CNOT4: variants seen among roughly 807,000 people sequenced by gnomAD.
CNOT4 encodes CCR4-associated factor 4.
CNOT4 carries 8 observed loss-of-function variants against 73.8 expected under a neutral mutation model. The ratio of observed to expected loss-of-function variants is 0.11; its 90% CI spans 0.06 to 0.20. The LOEUF (loss-of-function observed/expected upper bound fraction) is 0.20. CNOT4 is among the 10% of genes least tolerant of loss of function. CNOT4 has a pLI of 1.00. For synonymous variants in CNOT4, 293 were observed against 321.1 expected, an observed-to-expected ratio of 0.91 and a Z score of 0.94; for missense variants, 564 against 883.4, an observed-to-expected ratio of 0.64 and a Z score of 4.58.
chr7:135,391,197 A>T (rs1161551303), intron 10 of CNOT4, among the ~76,000 whole-genome samples: 1 of 152,130 alleles, frequency 6.6e-6, no homozygotes, highest in Non-Finnish European at 1.5e-5. Flanking sequence ...TGAAAATCCT[A>T]AATCTTCTGG....
At chr7:135,455,530 A>AATACAT (rs1371903785) in intron 1 of CNOT4, among the ~76,000 whole-genome samples, 6 of 152,102 alleles carry the variant, frequency 3.9e-5, no homozygotes, top group African/African-American at 1.4e-4. Context: ...TATTTAAATA[A>AATACAT]ATACATACTT....
chr7:135,508,846 G>T (rs1406084052), intron 1 of CNOT4, among the ~76,000 whole-genome samples: 1 of 152,062 alleles, frequency 6.6e-6, no homozygotes, highest in Non-Finnish European at 1.5e-5. Context: ...AATATTTATT[G>T]GTATAAATCA....
intron 10 of CNOT4, among the ~76,000 whole-genome samples, chr7:135,371,967 ATGAACAAAGCCC>A (rs1398368882): frequency 1.3e-5 from 2 of 152,214 alleles, no homozygotes; most frequent in Non-Finnish European, 2.9e-5. Flanking sequence ...AGCAGTGACC[ATGAACAAAGCCC>A]TGTGAGGAGA....
intron 1 of CNOT4, among the ~76,000 whole-genome samples, chr7:135,463,561 AC>A (rs1265629698): frequency 0.029 from 16 of 552 alleles, no homozygotes; most frequent in East Asian, 0.29. Flanking sequence ...AAAAAAAAAA[AC>A]CAACCAACCA....
chr7:135,399,311 T>C (rs1299977327), intron 7 of CNOT4, among the ~76,000 whole-genome samples: 1 of 152,096 alleles, frequency 6.6e-6, no homozygotes, highest in Admixed American at 6.5e-5. Context: ...GGCTATATAG[T>C]GCCTAGTGCT....
chr7:135,508,282 C>T (rs751369772), intron 1 of CNOT4, among the ~76,000 whole-genome samples: 8 of 152,202 alleles, frequency 5.3e-5, no homozygotes, highest in Non-Finnish European at 7.4e-5. Flanking sequence ...GCCAGGGCTG[C>T]TTCTTCCCAT....
At chr7:135,388,458 C>A in intron 10 of CNOT4, 1 of 988,596 alleles carries the variant, frequency 1.0e-6, no homozygotes, top group Non-Finnish European at 1.2e-6. Context: ...ACTACCATTA[C>A]CTTTGTATAA....
chr7:135,399,004 A>T (rs1796858758), intron 7 of CNOT4, among the ~76,000 whole-genome samples: 1 of 152,132 alleles, frequency 6.6e-6, no homozygotes, highest in Non-Finnish European at 1.5e-5. Context: ...AAACATTAAC[A>T]TTTTATTTTC....
chr7:135,506,632 G>A (rs1282554367), intron 1 of CNOT4, among the ~76,000 whole-genome samples: 4 of 152,102 alleles, frequency 2.6e-5, no homozygotes, highest in East Asian at 3.9e-4. Context: ...GGCGGATCAC[G>A]AGGTCAGGAG....
chr7:135,440,300 T>A, intron 1 of CNOT4, among the ~76,000 whole-genome samples: 1 of 145,224 alleles, frequency 6.9e-6, no homozygotes, highest in Non-Finnish European at 1.5e-5. Flanking sequence ...CATGAAAAAA[T>A]GATCAATCTT....
intron 1 of CNOT4, among the ~76,000 whole-genome samples, chr7:135,493,055 T>C (rs1000651498): frequency 6.6e-6 from 1 of 151,864 alleles, no homozygotes; most frequent in African/African-American, 2.4e-5. Context: ...AATAGACAAG[T>C]TTTAAGGAGA....
At chr7:135,493,177 T>G (rs2129487765) in intron 1 of CNOT4, among the ~76,000 whole-genome samples, 1 of 151,980 alleles carries the variant, frequency 6.6e-6, no homozygotes, top group South Asian at 2.1e-4. Flanking sequence ...AGGAAAATGG[T>G]TGGTTGGTTG....
chr7:135,484,187 C>T lies in CNOT4; in HGVS notation c.-93+25702G>A, dbSNP rs1451988424. Among the ~76,000 whole-genome samples, 3 of 151,714 alleles carry T rather than the reference C, an allele frequency of 2.0e-5. No individual in the cohort carries two copies. In the East Asian group the frequency reaches 5.9e-4, roughly 30 times the overall value. On this transcript the variant is annotated intron_variant, in intron 1 of 11. Transcript: ENST00000541284. ...TCTAGCCTGGGTGACAGAGTGGGACCTCATCTCAAAATAAATAAATTAATT... is the reference window on the plus strand; with the variant it reads ...TCTAGCCTGGGTGACAGAGTGGGACTTCATCTCAAAATAAATAAATTAATT...
chr7:135,482,986 CAAAAAAAAAAA>C (rs36125617), intron 1 of CNOT4, among the ~76,000 whole-genome samples: 3 of 43,502 alleles, frequency 6.9e-5, no homozygotes, highest in African/African-American at 2.9e-4. Context: ...GACTCCATAT[CAAAAAAAAAAA>C]AAAAAAAAAA....
At chr7:135,499,755 C>T (rs1016822302) in intron 1 of CNOT4, among the ~76,000 whole-genome samples, 1 of 152,112 alleles carries the variant, frequency 6.6e-6, no homozygotes, top group Non-Finnish European at 1.5e-5. Flanking sequence ...TTTCTTCCCT[C>T]CCACATACAC....
chr7:135,490,337 T>C (rs549299061), intron 1 of CNOT4, among the ~76,000 whole-genome samples: 54 of 152,270 alleles, frequency 3.5e-4, no homozygotes, highest in African/African-American at 1.2e-3. Flanking sequence ...AAATATAATA[T>C]TTCCATCTGG....
At chr7:135,504,462 A>ATTTTTTTTTTTTT (rs34100799) in intron 1 of CNOT4, among the ~76,000 whole-genome samples, 1 of 55,942 alleles carries the variant, frequency 1.8e-5, no homozygotes, top group African/African-American at 9.4e-5. Context: ...CATCCGGCTA[A>ATTTTTTTTTTTTT]TTTTTTTTTT....
intron 1 of CNOT4, among the ~76,000 whole-genome samples, chr7:135,487,735 T>C (rs1802824607): frequency 6.6e-6 from 1 of 152,138 alleles, no homozygotes; most frequent in South Asian, 2.1e-4. Context: ...GATATTAGAT[T>C]GTGGAATACT....
At chr7:135,475,548 A>G (rs913014764) in intron 1 of CNOT4, among the ~76,000 whole-genome samples, 7 of 152,242 alleles carry the variant, frequency 4.6e-5, no homozygotes, top group African/African-American at 1.7e-4. Flanking sequence ...AACAAAAATC[A>G]GTTCAATAAA....
Sources: gnomAD v4.1 joint callset for allele counts (sites outside exome capture counted in the v4.1 genomes callset) on GRCh38, gnomAD v4.1.1 for gene constraint, MANE v1.5 for transcripts, NCBI Gene and HGNC (gene_info 2026-07-23, HGNC 2026-07-21) for gene names.